The following C6orf118 variants were observed in gnomAD, a reference collection of about 807,000 sequenced individuals.
C6orf118 encodes the protein chromosome 6 open reading frame 118.
C6orf118 carries 50 observed loss-of-function variants against 50.2 expected under a neutral mutation model. The ratio of observed to expected loss-of-function variants is 1.00; its 90% CI spans 0.79 to 1.26. The LOEUF (loss-of-function observed/expected upper bound fraction) is 1.26, where lower values mean the gene tolerates loss of function less well. C6orf118 is among the 50% of genes most tolerant of loss of function. The pLI is 0.00. For missense variants in C6orf118, 641 were observed against 578.7 expected (o/e 1.11, Z -1.10); for synonymous variants, 239 against 230.9 (o/e 1.03, Z -0.32).
chr6:165,293,552 C>T (rs370537279), intron 5 of C6orf118, 81 bp from the exon 6 acceptor site: 1 of 1,104,972 alleles, frequency 9.1e-7, no homozygotes. Flanking sequence ...CACCACAAGT[C>T]TCTTACAGTT....
Position 165,296,376 on chromosome 6 carries a change from C to T in C6orf118, c.1061+1601G>A, listed in dbSNP as rs180694458. On this transcript the variant is annotated intron_variant, in intron 5 of 8. Coordinates refer to ENST00000230301, the MANE Select transcript of C6orf118 (RefSeq NM_144980.4). ...ACAGTTTCTCGTGCTTCTCCTCCTC[C>T]CAGTGCCTCAAAATGGTCAGTTCAG... Among the ~76,000 whole-genome samples, 242 of 151,484 alleles carry T rather than the reference C, an allele frequency of 1.6e-3. 2 individuals carry two copies. The highest frequency in any genetic ancestry group is 9.3e-4 in the Non-Finnish European group (63 of 67,902).
rs1428925685 is a variant in C6orf118 at position 165,279,914 on chromosome 6, A to T, written c.*143T>A. Reference sequence around the variant, plus strand: ...TGTATTTCAGTATCCTGAGTAGGATACATATACCACATTAATTTTACTAGA... The same window carrying T: ...TGTATTTCAGTATCCTGAGTAGGATTCATATACCACATTAATTTTACTAGA... On this transcript the variant is annotated 3_prime_UTR_variant, in exon 9 of 9. Transcript: ENST00000230301. The T allele has an allele frequency of 1.3e-6, 1 of 768,628 alleles. No homozygotes were observed. The highest frequency in any genetic ancestry group is 3.4e-5 in the Admixed American group (1 of 29,680). The allele number at this position is 768,628 out of a possible 1,614,324, so 47.6% of individuals were successfully genotyped here. A position where few individuals can be genotyped will look rare whatever the true frequency, so the allele number is the denominator to read the frequency against.
At chr6:165,282,296 TAGTGTTAATGAA>T (rs1779754118) in intron 7 of C6orf118, among the ~76,000 whole-genome samples, 1 of 152,102 alleles carries the variant, frequency 6.6e-6, no homozygotes, top group African/African-American at 2.4e-5. Context: ...AATTAATCAA[TAGTGTTAATGAA>T]AGTATTCAGG....
intron 5 of C6orf118, among the ~76,000 whole-genome samples, chr6:165,294,865 A>G (rs1392182314): frequency 2.0e-5 from 3 of 152,240 alleles, no homozygotes; most frequent in African/African-American, 7.2e-5. Flanking sequence ...CCTGGGCAAC[A>G]GAGCAAGACC....
intron 6 of C6orf118, among the ~76,000 whole-genome samples, chr6:165,292,409 G>T (rs1287429271): frequency 2.0e-5 from 3 of 152,194 alleles, no homozygotes; most frequent in African/African-American, 7.2e-5. Context: ...CAAACACGAA[G>T]AAAGATTACT....
At chr6:165,306,535 CAAAAAAAAAA>C (rs60755206) in intron 1 of C6orf118, among the ~76,000 whole-genome samples, 2,560 of 39,862 alleles carry the variant, frequency 0.064, 104 homozygotes, top group African/African-American at 0.18. Context: ...TAGGTGAATG[CAAAAAAAAAA>C]AAAAAAAAAA....
chr6:165,281,378 T>C (rs1779725739), intron 8 of C6orf118: 1 of 475,284 alleles, frequency 2.1e-6, no homozygotes, highest in Admixed American at 5.4e-5. Context: ...TTCATGAGTG[T>C]GAACCCTTCA....
At chr6:165,280,201 C>T (rs1779680517) in intron 8 of C6orf118, 91 bp from the exon 9 acceptor site, 1 of 856,182 alleles carries the variant, frequency 1.2e-6, no homozygotes, top group Non-Finnish European at 1.8e-6. Context: ...ATTTTAGACA[C>T]ATTTACCCAA....
At chr6:165,302,575 G>A (rs1200958145) in intron 1 of C6orf118, among the ~76,000 whole-genome samples, 1 of 152,100 alleles carries the variant, frequency 6.6e-6, no homozygotes, top group Admixed American at 6.5e-5. Flanking sequence ...ATCTTGATTT[G>A]GCAGAGTATT....
rs1017869336 is a variant in C6orf118 at position 165,290,778 on chromosome 6, T to C, written c.1121-711A>G. On this transcript the variant is annotated intron_variant, in intron 6 of 8. Transcript: ENST00000230301. ...ACCTGTTGGGAAGCTATGGCAATCA[T>C]TCACACAGGTTGATCGGGTCAGGGT... Among the ~76,000 whole-genome samples, 12 of 152,306 alleles carry C rather than the reference T, an allele frequency of 7.9e-5. No homozygotes were observed. In the East Asian group the frequency reaches 2.1e-3, roughly 27 times the overall value.
At chr6:165,293,268 G>A (rs769393779) in intron 6 of C6orf118, 145 bp downstream of exon 6, 2 of 794,228 alleles carry the variant, frequency 2.5e-6, no homozygotes, top group Admixed American at 1.7e-5. Context: ...GGTGATGTGG[G>A]TGAATATGTT....
chr6:165,291,084 G>A (rs890841882), intron 6 of C6orf118, among the ~76,000 whole-genome samples: 2 of 152,142 alleles, frequency 1.3e-5, no homozygotes, highest in Admixed American at 6.6e-5. Flanking sequence ...TCATGATTCA[G>A]TTGTCTACCA....
chr6:165,300,317 C>G, intron 3 of C6orf118, 47 bp downstream of exon 3: 6 of 1,608,306 alleles, frequency 3.7e-6, no homozygotes, highest in Non-Finnish European at 5.1e-6. Flanking sequence ...TACACAGAAC[C>G]TCATGCAAGC....
intron 1 of C6orf118, among the ~76,000 whole-genome samples, 177 bp downstream of exon 1, chr6:165,309,385 T>C (rs955632191): frequency 6.6e-6 from 1 of 152,214 alleles, no homozygotes; most frequent in South Asian, 2.1e-4. Context: ...GGTTTCAGAT[T>C]CTCTGAGGAG....
chr6:165,296,261 T>C (rs57738744), intron 5 of C6orf118, among the ~76,000 whole-genome samples: 1 of 132,742 alleles, frequency 7.5e-6, no homozygotes, highest in African/African-American at 3.6e-5. Context: ...TTTTTTTTTT[T>C]TTTTTTTTTT....
chr6:165,290,187 T>A, intron 6 of C6orf118, 120 bp from the exon 7 acceptor site: 1 of 613,270 alleles, frequency 1.6e-6, no homozygotes, highest in African/African-American at 1.9e-5. Context: ...AAAATATAAT[T>A]CAAACTCGAA....
At chr6:165,308,942 G>C (rs968909972) in intron 1 of C6orf118, among the ~76,000 whole-genome samples, 1 of 152,152 alleles carries the variant, frequency 6.6e-6, no homozygotes, top group South Asian at 2.1e-4. Flanking sequence ...CCCAAATTTC[G>C]TCTGAATCAG....
intron 1 of C6orf118, among the ~76,000 whole-genome samples, chr6:165,307,920 C>T (rs893948637): frequency 4.6e-5 from 7 of 152,272 alleles, no homozygotes; most frequent in South Asian, 4.1e-4. Context: ...TCCTACCAGC[C>T]GGAGAATCTT....
intron 7 of C6orf118, among the ~76,000 whole-genome samples, chr6:165,283,538 T>A (rs550078270): frequency 6.6e-6 from 1 of 152,252 alleles, no homozygotes; most frequent in East Asian, 1.9e-4. Context: ...CCAACAGGGA[T>A]CGCCAGACAC....
Sources: gnomAD v4.1 joint callset for allele counts (sites outside exome capture counted in the v4.1 genomes callset) on GRCh38, gnomAD v4.1.1 for gene constraint, MANE v1.5 for transcripts, NCBI Gene and HGNC (gene_info 2026-07-23, HGNC 2026-07-21) for gene names.